VWF: variants seen among roughly 807,000 people sequenced by gnomAD.
The protein encoded by VWF is Factor VIII related antigen.
In VWF, 176 loss-of-function variants were observed where a neutral mutation model predicts 308.6. The observed-to-expected ratio is 0.57, with a 90% confidence interval of 0.50 to 0.65. The LOEUF (loss-of-function observed/expected upper bound fraction) is 0.65. Ranked by LOEUF, VWF falls within the 30% of genes least tolerant of loss-of-function variation. The pLI, the probability that VWF is intolerant of heterozygous loss-of-function variation, is 0.00. For synonymous variants in VWF, 1,385 were observed against 1,443.4 expected (o/e 0.96, Z 0.92); for missense variants, 3,146 against 3,648.2 (o/e 0.86, Z 3.55).
rs1267355130 is a variant in VWF at position 5,952,523 on chromosome 12, G to C, written c.7987-4C>G. ...CATCCTGGAGCGTCTCATCACGCTG[G>C]AAGGAAAGAGGAGTGGGTAAAGTCA... On this transcript the variant is annotated splice_region_variant and splice_polypyrimidine_tract_variant and intron_variant, in intron 48 of 51. Coordinates refer to ENST00000261405, the MANE Select transcript of VWF (RefSeq NM_000552.5). The C allele has an allele frequency of 9.3e-6, 15 of 1,613,450 alleles. No individual in the cohort carries two copies. Among genetic ancestry groups the C allele is most frequent in the Non-Finnish European group, 1.3e-5 (15 of 1,179,612 alleles).
At chr12:6,073,500 A>T in intron 8 of VWF, 119 bp downstream of exon 8, 2 of 1,417,134 alleles carry the variant, frequency 1.4e-6, no homozygotes, top group Non-Finnish European at 2.0e-6. Flanking sequence ...TTAAAAACTT[A>T]ATAAAAGGCT....
intron 6 of VWF, among the ~76,000 whole-genome samples, chr12:6,091,082 A>G (rs1945029618): frequency 6.6e-6 from 1 of 152,226 alleles, no homozygotes; most frequent in South Asian, 2.1e-4. Context: ...CCAAAGTCCA[A>G]GGGAAAAAGT....
At chr12:5,985,464 G>C in intron 39 of VWF, 99 bp downstream of exon 39, 1 of 1,312,252 alleles carries the variant, frequency 7.6e-7, no homozygotes, top group Non-Finnish European at 1.1e-6. Flanking sequence ...AGGTGCCAGT[G>C]TTTGAGTCTG....
chr12:5,965,717 CA>C (rs1200354266), intron 47 of VWF, among the ~76,000 whole-genome samples: 1 of 152,172 alleles, frequency 6.6e-6, no homozygotes, highest in Non-Finnish European at 1.5e-5. Context: ...CCTAATTCAC[CA>C]CAGCTACCCC....
intron 15 of VWF, among the ~76,000 whole-genome samples, chr12:6,053,152 A>G (rs1472461407): frequency 6.6e-6 from 1 of 152,238 alleles, no homozygotes; most frequent in East Asian, 1.9e-4. Context: ...CCTAGGATGT[A>G]GTAGAAATCC....
At chr12:6,044,096 A>T (rs1337064912) in intron 18 of VWF, among the ~76,000 whole-genome samples, 195 bp downstream of exon 18, 4 of 150,972 alleles carry the variant, frequency 2.6e-5, no homozygotes, top group Non-Finnish European at 4.4e-5. Context: ...TTTTCCTAAC[A>T]ACTCCCTCCC....
At chr12:6,026,327 G>C (rs1944192943) in intron 22 of VWF, among the ~76,000 whole-genome samples, 3 of 152,160 alleles carry the variant, frequency 2.0e-5, no homozygotes, top group Admixed American at 2.0e-4. Flanking sequence ...GCAGAGGTGG[G>C]AATCAGGCAG....
At chr12:6,090,106 T>C (rs1211387603) in intron 6 of VWF, among the ~76,000 whole-genome samples, 1 of 152,036 alleles carries the variant, frequency 6.6e-6, no homozygotes, top group East Asian at 1.9e-4. Context: ...TACAGGCACC[T>C]GCCACCACAC....
chr12:6,116,162 C>T (rs1189797787), intron 3 of VWF, among the ~76,000 whole-genome samples: 1 of 152,214 alleles, frequency 6.6e-6, no homozygotes, highest in Non-Finnish European at 1.5e-5. Context: ...CACAGACCTC[C>T]AGGTTAGCAC....
chr12:5,994,437 A>G lies in VWF; in HGVS notation c.6234T>C (p.Ala2078=). The G allele has an allele frequency of 6.2e-7, 1 of 1,614,214 alleles. No homozygotes were observed. Among genetic ancestry groups the G allele is most frequent in the Non-Finnish European group, 8.5e-7 (1 of 1,180,034 alleles). The change falls in exon 36 of 52, where the codon GCT becomes GCC. Residue 2078 remains alanine, a synonymous_variant. Transcript: ENST00000261405. ...FQLQLSPKTF[A]SKTYGLCGIC... The stretch of plus-strand genomic sequence containing the variant: ...TACCACACAGACCATACGTCTTTGA[A>G]GCAAAAGTCTTGGGGCTGAGCTGCA...
At chr12:6,092,444 G>A (rs1945045375) in intron 6 of VWF, among the ~76,000 whole-genome samples, 1 of 151,900 alleles carries the variant, frequency 6.6e-6, no homozygotes, top group Non-Finnish European at 1.5e-5. Context: ...CCAGGTTCAA[G>A]CCATCTTCCC....
intron 34 of VWF, among the ~76,000 whole-genome samples, chr12:6,005,460 G>T (rs1943915272): frequency 6.6e-6 from 1 of 152,082 alleles, no homozygotes; most frequent in Non-Finnish European, 1.5e-5. Flanking sequence ...AAACCCAATG[G>T]AAAGTAGAAA....
At chr12:5,975,421 C>T (rs1255032030) in intron 43 of VWF, among the ~76,000 whole-genome samples, 2 of 152,160 alleles carry the variant, frequency 1.3e-5, no homozygotes, top group Non-Finnish European at 2.9e-5. Context: ...ATTGTTGCTC[C>T]CTTTTTCTCC....
rs888920713 is a variant in VWF at position 6,024,162 on chromosome 12, C to T, written c.3223-375G>A. ...GTGCTTTTACAAAAACACAAACACA[C>T]ATATGTGCTGGTCACTGTCTTTCTT... On this transcript the variant is annotated intron_variant, in intron 24 of 51. Transcript: ENST00000261405. The surrounding 1 kb of genome is among the most constrained non-coding windows in gnomAD (Gnocchi z 4.0). 5.3e-5 allele frequency among the ~76,000 whole-genome samples: 8 copies of T among 152,216 alleles called. No individual in the cohort carries two copies. Among genetic ancestry groups the T allele is most frequent in the African/African-American group, 9.6e-5 (4 of 41,454 alleles).
At chr12:5,982,174 T>C (rs866181910) in intron 41 of VWF, among the ~76,000 whole-genome samples, 183 bp from the exon 42 acceptor site, 12 of 152,252 alleles carry the variant, frequency 7.9e-5, no homozygotes, top group Middle Eastern at 3.4e-3. Flanking sequence ...CAGAAAAATA[T>C]GAACATTAAT....
At position 6,058,060 on chromosome 12, in the gene VWF, G is replaced by T; in HGVS notation, c.1534-16C>A. 5 of 1,612,800 alleles carry T rather than the reference G, an allele frequency of 3.1e-6. No homozygotes were observed. The highest frequency in any genetic ancestry group is 4.2e-6 in the Non-Finnish European group (5 of 1,179,982). ...CGGGGGACAGCTGCAGGAGAGACCAGGCCACTCTGGAGCCGCTGCCGCGAA... is the reference window on the plus strand; with the variant it reads ...CGGGGGACAGCTGCAGGAGAGACCATGCCACTCTGGAGCCGCTGCCGCGAA... On this transcript the variant is annotated splice_polypyrimidine_tract_variant and intron_variant, in intron 13 of 51. Transcript: ENST00000261405. The surrounding 1 kb of genome is among the most constrained non-coding windows in gnomAD (Gnocchi z 4.9).
chr12:5,950,948 G>A (rs1244337425), intron 50 of VWF, among the ~76,000 whole-genome samples: 1 of 152,198 alleles, frequency 6.6e-6, no homozygotes, highest in Non-Finnish European at 1.5e-5. Context: ...CTCGATCTGA[G>A]ATTTGGTTAC....
At chr12:6,074,342 A>G (rs1937491053) in intron 7 of VWF, among the ~76,000 whole-genome samples, 1 of 151,778 alleles carries the variant, frequency 6.6e-6, no homozygotes, top group South Asian at 2.1e-4. Context: ...TCCTCTCTCT[A>G]CCCTGTAGCT....
chr12:6,013,566 G>C lies in VWF; in HGVS notation c.5535C>G (p.Asp1845Glu). Residue 1845 changes from aspartate to glutamate, a missense_variant, in exon 32 of 52, where the codon GAC (aspartate) becomes GAG (glutamate). Physicochemically the swap from Asp to Glu is conservative, Grantham distance 45. Coordinates refer to ENST00000261405, the MANE Select transcript of VWF (RefSeq NM_000552.5). ...QLRILAGPAG[D>E]SNVVKLQRIE... ...TTCGCTGGAGCTTCACCACGTTGGA[G>C]TCGCCTGCTGGGCCTGCCAAGATCC... 6.2e-7 allele frequency: 1 copy of C among 1,614,056 alleles called. No homozygotes were observed. The highest frequency in any genetic ancestry group is 8.5e-7 in the Non-Finnish European group (1 of 1,179,952).
Sources: allele counts gnomAD v4.1 joint callset (sites outside exome capture counted in the v4.1 genomes callset), GRCh38; gene constraint gnomAD v4.1.1; non-coding constraint Gnocchi (gnomAD v3.1); transcripts MANE v1.5; gene names NCBI Gene and HGNC (gene_info 2026-07-23, HGNC 2026-07-21).